The following MOCOS variants were observed in gnomAD, a reference collection of about 807,000 sequenced individuals.
The protein encoded by MOCOS is molybdenum cofactor sulfurase.
MOCOS carries 86 observed loss-of-function variants against 83.6 expected under a neutral mutation model. The observed-to-expected ratio is 1.03, with a 90% CI of 0.86 to 1.23. The LOEUF (loss-of-function observed/expected upper bound fraction) is 1.23. MOCOS is among the 50% of genes most tolerant of loss of function. The pLI is 0.00. For synonymous variants in MOCOS, 445 were observed against 434.7 expected (o/e 1.02, Z -0.29); for missense variants, 1,120 against 1,126.9 (o/e 0.99, Z 0.09).
At position 36,188,977 on chromosome 18, in the gene MOCOS, G is replaced by A. The variant is rs144258751; in HGVS notation, c.142+1296G>A. Among the ~76,000 whole-genome samples, 8 of 152,038 alleles carry A rather than the reference G, an allele frequency of 5.3e-5. No individual in the cohort carries two copies. In the East Asian group the frequency reaches 1.4e-3, roughly 26 times the overall value. On this transcript the variant is annotated intron_variant, in intron 1 of 14. Transcript: ENST00000261326. Reference sequence around the variant, plus strand: ...GGAAATTTCCTACCACTCAGAAATAGAGGGGTACTATGAATGCCTACAGGT... The same window carrying A: ...GGAAATTTCCTACCACTCAGAAATAAAGGGGTACTATGAATGCCTACAGGT...
intron 1 of MOCOS, among the ~76,000 whole-genome samples, chr18:36,188,985 C>A (rs1162555645): frequency 1.3e-5 from 2 of 151,796 alleles, no homozygotes; most frequent in Non-Finnish European, 2.9e-5. Context: ...TAGAGGGGTA[C>A]TATGAATGCC....
intron 9 of MOCOS, among the ~76,000 whole-genome samples, chr18:36,229,021 A>G (rs1386644288): frequency 8.6e-5 from 13 of 151,902 alleles, no homozygotes; most frequent in Admixed American, 8.5e-4. Flanking sequence ...CTTTTGACTT[A>G]TTTTTGACAT....
intron 14 of MOCOS, 91 bp downstream of exon 14, chr18:36,266,944 T>C (rs2091683988): frequency 9.3e-7 from 1 of 1,080,358 alleles, no homozygotes; most frequent in Admixed American, 2.0e-5. Flanking sequence ...AGTTATTTTT[T>C]TAAATGGGGG....
At chr18:36,256,868 A>C (rs111719412) in intron 11 of MOCOS, 100 bp from the exon 12 acceptor site, 6 of 1,058,670 alleles carry the variant, frequency 5.7e-6, no homozygotes, top group African/African-American at 4.7e-5. Flanking sequence ...TCCCTTGTAG[A>C]AATAGTCTCT....
intron 11 of MOCOS, among the ~76,000 whole-genome samples, chr18:36,253,530 G>T (rs1033105981): frequency 1.3e-5 from 2 of 152,130 alleles, no homozygotes; most frequent in Non-Finnish European, 2.9e-5. Flanking sequence ...GCCGGGCATG[G>T]TGGCAAGTGC....
intron 6 of MOCOS, among the ~76,000 whole-genome samples, chr18:36,207,733 T>C (rs1478747638): frequency 2.0e-5 from 3 of 152,202 alleles, no homozygotes; most frequent in African/African-American, 7.2e-5. Flanking sequence ...TTTTCTCTCA[T>C]TCTGTAGGTT....
rs767082850 is a variant in MOCOS at position 36,268,603 on chromosome 18, C to T, written c.2585C>T (p.Ser862Phe). 1 of 1,614,106 alleles carries T rather than the reference C, an allele frequency of 6.2e-7. No individual in the cohort carries two copies. Among genetic ancestry groups the T allele is most frequent in the South Asian group, 1.1e-5 (1 of 91,080 alleles). Residue 862 changes from serine (S) to phenylalanine (F), a missense_variant, in exon 15 of 15, where the codon TCT (serine) becomes TTT (phenylalanine). Physicochemically the swap from Ser to Phe is radical, Grantham distance 155. Transcript: ENST00000261326. ...LSSPCFLSVG[S>F]QVLPVLKENV... ...TCCCCATGTTTCCTGTCTGTAGGATCTCAGGTGCTCCCTGTGTTGAAAGAG... is the reference window on the plus strand; with the variant it reads ...TCCCCATGTTTCCTGTCTGTAGGATTTCAGGTGCTCCCTGTGTTGAAAGAG...
chr18:36,202,329 T>C (rs998359871), intron 4 of MOCOS, among the ~76,000 whole-genome samples: 1 of 152,110 alleles, frequency 6.6e-6, no homozygotes, highest in Non-Finnish European at 1.5e-5. Context: ...GTTTAACAAA[T>C]TTTTTTGTAG....
At chr18:36,205,418 C>CGTT in intron 6 of MOCOS, 142 bp downstream of exon 6, 1 of 860,162 alleles carries the variant, frequency 1.2e-6, no homozygotes, top group South Asian at 1.4e-5. Context: ...CATTCACCCT[C>CGTT]GTTTTTCAGT....
intron 9 of MOCOS, among the ~76,000 whole-genome samples, chr18:36,246,897 A>C (rs908350192): frequency 6.6e-6 from 1 of 152,190 alleles, no homozygotes; most frequent in African/African-American, 2.4e-5. Flanking sequence ...TTCCTCAGGT[A>C]ATGAACAGGG....
intron 9 of MOCOS, among the ~76,000 whole-genome samples, chr18:36,226,491 C>T (rs1338846333): frequency 1.3e-5 from 2 of 150,808 alleles, no homozygotes; most frequent in Admixed American, 1.3e-4. Context: ...TTTTTTTATT[C>T]AGCCACTCTA....
In MOCOS at chr18:36,187,623, C is replaced by T. The variant is rs2091346414; in HGVS notation, c.84C>T (p.Tyr28=). The change falls in exon 1 of 15, where the codon TAC becomes TAT. Residue 28 remains tyrosine (Y), a synonymous_variant. Coordinates refer to ENST00000261326, the MANE Select transcript of MOCOS (RefSeq NM_017947.4). ...ACCCGAGCGCACCGCGGCTAGCCTACGGCTACGGCCCGGGCAGCCTGCGCG... is the reference window on the plus strand; with the variant it reads ...ACCCGAGCGCACCGCGGCTAGCCTATGGCTACGGCCCGGGCAGCCTGCGCG... ...SRDPSAPRLA[Y]GYGPGSLREL... 11 of 1,250,996 alleles carry T rather than the reference C, an allele frequency of 8.8e-6. No homozygotes were observed. The highest frequency in any genetic ancestry group is 1.0e-5 in the Non-Finnish European group (10 of 997,198). 77.5% of individuals were successfully genotyped at this position (1,250,996 alleles called of 1,614,324 possible). A position where few individuals can be genotyped will look rare whatever the true frequency, so the allele number is the denominator to read the frequency against.
At position 36,199,668 on chromosome 18, in the gene MOCOS, C is replaced by A; in HGVS notation, c.300-15C>A. The stretch of plus-strand genomic sequence containing the variant: ...CTGAGATCCGCGGGTTGCGGGGATG[C>A]TGTGCTTCTTCCAGAATCCTGGCGC... On this transcript the variant is annotated splice_polypyrimidine_tract_variant and intron_variant, in intron 3 of 14. Coordinates refer to ENST00000261326, the MANE Select transcript of MOCOS (RefSeq NM_017947.4). The A allele has an allele frequency of 6.2e-7, 1 of 1,612,974 alleles. No homozygotes were observed. Among genetic ancestry groups the A allele is most frequent in the Non-Finnish European group, 8.5e-7 (1 of 1,180,042 alleles).
intron 9 of MOCOS, among the ~76,000 whole-genome samples, 195 bp downstream of exon 9, chr18:36,220,412 G>A (rs2091491914): frequency 2.6e-5 from 4 of 152,150 alleles, no homozygotes; most frequent in Middle Eastern, 6.8e-3. Flanking sequence ...AGGAGGCTGA[G>A]GCACAAGAAT....
At chr18:36,262,200 TAAA>T (rs1235497719) in intron 13 of MOCOS, among the ~76,000 whole-genome samples, 1 of 145,046 alleles carries the variant, frequency 6.9e-6, no homozygotes, top group Non-Finnish European at 1.5e-5. Flanking sequence ...AAAATAAGTA[TAAA>T]ATTATTTTCA....
intron 3 of MOCOS, 81 bp downstream of exon 3, chr18:36,198,837 A>C (rs1041787579): frequency 1.2e-4 from 173 of 1,475,162 alleles, no homozygotes; most frequent in Non-Finnish European, 1.3e-4. Context: ...CATCCCACAA[A>C]AGTTCTGAGT....
Position 36,229,828 on chromosome 18 carries a change from C to T in MOCOS, c.1960+9611C>T, listed in dbSNP as rs534400242. 2.6e-5 allele frequency among the ~76,000 whole-genome samples: 4 copies of T among 151,960 alleles called. No homozygotes were observed. In the East Asian group the frequency reaches 7.7e-4, roughly 29 times the overall value. The stretch of plus-strand genomic sequence containing the variant: ...AAATTTTTTAGTTCAGTTACTGTGT[C>T]CTTCACCTCCATGATTTCTATCTGG... On this transcript the variant is annotated intron_variant, in intron 9 of 14. Coordinates refer to ENST00000261326, the MANE Select transcript of MOCOS (RefSeq NM_017947.4).
intron 9 of MOCOS, among the ~76,000 whole-genome samples, chr18:36,221,952 C>T (rs1236260587): frequency 2.0e-5 from 3 of 152,014 alleles, no homozygotes; most frequent in Admixed American, 6.6e-5. Flanking sequence ...CTCGAACTCC[C>T]GACCTCAGGT....
At chr18:36,195,033 A>G (rs1334311405) in intron 1 of MOCOS, among the ~76,000 whole-genome samples, 1 of 152,238 alleles carries the variant, frequency 6.6e-6, no homozygotes, top group Non-Finnish European at 1.5e-5. Context: ...AAGAGTGAAG[A>G]GAGCTGATTA....
Sources: allele counts gnomAD v4.1 joint callset (sites outside exome capture counted in the v4.1 genomes callset), GRCh38; gene constraint gnomAD v4.1.1; transcripts MANE v1.5; gene names NCBI Gene and HGNC (gene_info 2026-07-23, HGNC 2026-07-21).